The following CNR1 variants were observed in gnomAD, a reference collection of about 807,000 sequenced individuals.
CNR1 encodes cannabinoid receptor 1, also known as cannabinoid receptor 1 (brain).
Under a neutral mutation model 23.0 loss-of-function variants are expected in CNR1, and 10 were observed. The observed-to-expected ratio is 0.43, with a 90% CI of 0.27 to 0.74. CNR1 has a LOEUF of 0.74. Ranked by LOEUF, CNR1 falls within the 30% of genes least tolerant of loss-of-function variation. The probability of loss-of-function intolerance (pLI) is 0.19; values close to 1 mark genes in which losing one functional copy is unlikely to be tolerated. For missense variants in CNR1, 422 were observed against 618.8 expected, an observed-to-expected ratio of 0.68 and a Z score of 3.37; for synonymous variants, 271 against 255.2, an observed-to-expected ratio of 1.06 and a Z score of -0.59.
chr6:88,163,097 C>T (rs1778189706), intron 1 of CNR1: 1 of 152,130 alleles, frequency 6.6e-6, no homozygotes, highest in South Asian at 2.1e-4. Flanking sequence ...GCTTTAATTG[C>T]TTTAATTAGC....
At chr6:88,149,029 C>A (rs1371072675) in intron 1 of CNR1, among the ~76,000 whole-genome samples, 1 of 152,128 alleles carries the variant, frequency 6.6e-6, no homozygotes, top group African/African-American at 2.4e-5. Context: ...TAGAATAAAG[C>A]AGATGGGAGC....
upstream of CNR1, among the ~76,000 whole-genome samples, chr6:88,166,925 G>GCCTC (rs2127776485): frequency 6.6e-6 from 1 of 152,042 alleles, no homozygotes; most frequent in Non-Finnish European, 1.5e-5. Flanking sequence ...GCCGGGCTGA[G>GCCTC]CTTTGGGACC....
upstream of CNR1, among the ~76,000 whole-genome samples, chr6:88,167,068 A>C (rs1020208711): frequency 6.6e-6 from 1 of 151,156 alleles, no homozygotes; most frequent in Middle Eastern, 3.4e-3. Context: ...CGGCGAGACC[A>C]CTCGGGCGCG....
rs890316076 is a variant in CNR1 at position 88,142,231 on chromosome 6, G to C, written c.*1625C>G. 6.6e-6 allele frequency: 1 copy of C among 152,380 alleles called. No individual in the cohort carries two copies. The highest frequency in any genetic ancestry group is 2.4e-5 in the African/African-American group (1 of 41,454). 9.4% of individuals were successfully genotyped at this position (152,380 alleles called of 1,614,324 possible). ...CAGCATAGCTAGACGTCAATGCCAA[G>C]TGTATCGGTTCTTCACTGCCGTTGT... On this transcript the variant is annotated 3_prime_UTR_variant, in exon 2 of 2. Transcript: ENST00000369501.
intron 1 of CNR1, among the ~76,000 whole-genome samples, chr6:88,161,115 A>G (rs1405031380): frequency 6.6e-6 from 1 of 152,264 alleles, no homozygotes; most frequent in Non-Finnish European, 1.5e-5. Context: ...ATATTATGCA[A>G]TAGCACAATG....
intron 1 of CNR1, among the ~76,000 whole-genome samples, chr6:88,148,564 AT>A (rs1167583629): frequency 1.3e-5 from 2 of 152,182 alleles, no homozygotes; most frequent in Non-Finnish European, 2.9e-5. Flanking sequence ...AAAAAAAAAA[AT>A]GATCATGTAA....
Position 88,144,404 on chromosome 6 carries a change from C to T in CNR1, c.871G>A (p.Val291Met), listed in dbSNP as rs779516787. 32 of 1,613,986 alleles carry T rather than the reference C, an allele frequency of 2.0e-5. No homozygotes were observed. Among genetic ancestry groups the T allele is most frequent in the African/African-American group, 2.7e-5 (2 of 74,918 alleles). Residue 291 changes from valine (V) to methionine (M), a missense_variant, in exon 2 of 2, where the codon GTG (valine) becomes ATG (methionine). Physicochemically the swap from Val to Met is conservative, Grantham distance 21. This residue lies in a region of CNR1 where 211 missense variants were observed against 357.3 expected (regional missense o/e 0.59). Transcript: ENST00000369501. This position sits in a 1 kb window ranked among gnomAD's most constrained non-coding sequence, Gnocchi z 7.8. ...GVTSVLLLFI[V>M]YAYMYILWKA... ...CAGAGAATATACATGTACGCATACA[C>T]GATGAACAGAAGCAGTACGCTGGTG...
In CNR1 at chr6:88,143,875, G is replaced by GT; in HGVS notation, c.1399dup (p.Thr467AsnfsTer27). Reference sequence around the variant, plus strand: ...TCAGGCTCACAGAGCCTCGGCAGACGTGTCTGTGGACACAGACATGGTTAC... The same window carrying GT: ...TCAGGCTCACAGAGCCTCGGCAGACGTTGTCTGTGGACACAGACATGGTTAC... On this transcript the variant is annotated frameshift_variant, in exon 2 of 2. Coordinates refer to ENST00000369501, the MANE Select transcript of CNR1 (RefSeq NM_016083.6). LOFTEE classifies it high-confidence loss of function. 1 of 1,613,126 alleles carries GT rather than the reference G, an allele frequency of 6.2e-7. No individual in the cohort carries two copies. Among genetic ancestry groups the GT allele is most frequent in the South Asian group, 1.1e-5 (1 of 91,058 alleles).
At chr6:88,151,570 G>C (rs6928499) in intron 1 of CNR1, among the ~76,000 whole-genome samples, 30,886 of 151,932 alleles carry the variant, frequency 0.2, 3,693 homozygotes, top group African/African-American at 0.33. Context: ...GTAAAACATA[G>C]TGCCTGACAC....
chr6:88,166,389 A>T (rs974251361), upstream of CNR1: 1 of 152,278 alleles, frequency 6.6e-6, no homozygotes, highest in Non-Finnish European at 1.5e-5. Flanking sequence ...GCGCGGTCCC[A>T]TCACGTGTTA....
At chr6:88,147,162 A>G (rs1208702208) in intron 1 of CNR1, among the ~76,000 whole-genome samples, 1 of 152,198 alleles carries the variant, frequency 6.6e-6, no homozygotes, top group East Asian at 1.9e-4. Context: ...AATTTTAAAA[A>G]AATTAGCTGG....
At position 88,143,574 on chromosome 6, in the gene CNR1, C is replaced by T. The variant is rs1305738324; in HGVS notation, c.*282G>A. 3.1e-6 allele frequency: 1 copy of T among 321,356 alleles called. No individual in the cohort carries two copies. The highest frequency in any genetic ancestry group is 5.7e-6 in the Non-Finnish European group (1 of 175,438). The allele number at this position is 321,356 out of a possible 1,614,324, so 19.9% of individuals were successfully genotyped here. A position where few individuals can be genotyped will look rare whatever the true frequency, so the allele number is the denominator to read the frequency against. Reference sequence around the variant, plus strand: ...ATTTTTCCATGGGTTCTTAGACTTCCAATTGTGTAGCCAAAGGTTTCCCTC... The same window carrying T: ...ATTTTTCCATGGGTTCTTAGACTTCTAATTGTGTAGCCAAAGGTTTCCCTC... On this transcript the variant is annotated 3_prime_UTR_variant, in exon 2 of 2. Transcript: ENST00000369501.
chr6:88,159,426 C>T (rs1777969106), intron 1 of CNR1, among the ~76,000 whole-genome samples: 2 of 152,078 alleles, frequency 1.3e-5, no homozygotes, highest in Non-Finnish European at 2.9e-5. Flanking sequence ...TCAAAAATAC[C>T]TAAAAGTTAC....
Position 88,144,523 on chromosome 6 carries a change from G to GAACT in CNR1, c.751_752insAGTT (p.Pro251GlnfsTer23). 1.2e-6 allele frequency: 2 copies of GAACT among 1,614,238 alleles called. No individual in the cohort carries two copies. The highest frequency in any genetic ancestry group is 1.7e-6 in the Non-Finnish European group (2 of 1,180,052). On this transcript the variant is annotated frameshift_variant, in exon 2 of 2. Coordinates refer to ENST00000369501, the MANE Select transcript of CNR1 (RefSeq NM_016083.6). LOFTEE classifies it high-confidence loss of function. This position sits in a 1 kb window ranked among gnomAD's most constrained non-coding sequence, Gnocchi z 7.8. ...TTTCTCGCAGTTCCAGCCCAGGAGAGGCAGCACGGCGATCACAATGGCTAT... is the reference window on the plus strand; with the variant it reads ...TTTCTCGCAGTTCCAGCCCAGGAGAGAACTGCAGCACGGCGATCACAATGGCTAT...
intron 1 of CNR1, among the ~76,000 whole-genome samples, chr6:88,154,793 G>A (rs1041498359): frequency 1.3e-5 from 2 of 152,014 alleles, no homozygotes; most frequent in Non-Finnish European, 2.9e-5. Flanking sequence ...TTGCTGGGCC[G>A]GCCTTGAACA....
intron 1 of CNR1, among the ~76,000 whole-genome samples, chr6:88,149,623 G>A (rs1399669935): frequency 6.6e-6 from 1 of 152,158 alleles, no homozygotes; most frequent in Non-Finnish European, 1.5e-5. Context: ...TGAGTGACTT[G>A]CTGCTCTTTG....
intron 1 of CNR1, among the ~76,000 whole-genome samples, chr6:88,152,560 G>A (rs1777586186): frequency 6.6e-6 from 1 of 152,180 alleles, no homozygotes; most frequent in African/African-American, 2.4e-5. Flanking sequence ...TAGGGCATGG[G>A]TGTGGTTATA....
rs1776802141 is a variant in CNR1, at chr6:88,141,316, G to A, written c.*2540C>T. The stretch of plus-strand genomic sequence containing the variant: ...ATAACATACGTGATGATATTTCACA[G>A]ATATTTCTTAGAATATCAATAAGCA... On this transcript the variant is annotated 3_prime_UTR_variant, in exon 2 of 2. Coordinates refer to ENST00000369501, the MANE Select transcript of CNR1 (RefSeq NM_016083.6). 1 of 152,742 alleles carries A rather than the reference G, an allele frequency of 6.5e-6. No homozygotes were observed. The allele number at this position is 152,742 out of a possible 1,614,324, so 9.5% of individuals were successfully genotyped here. A position where few individuals can be genotyped will look rare whatever the true frequency, so the allele number is the denominator to read the frequency against.
chr6:88,151,357 C>T (rs976474145), intron 1 of CNR1, among the ~76,000 whole-genome samples: 2 of 152,098 alleles, frequency 1.3e-5, no homozygotes, highest in African/African-American at 4.8e-5. Flanking sequence ...TTACCATCTT[C>T]CTTGTTTTCT....
Sources: allele counts gnomAD v4.1 joint callset (sites outside exome capture counted in the v4.1 genomes callset), GRCh38; gene constraint gnomAD v4.1.1; regional missense constraint gnomAD v4.1.1; non-coding constraint Gnocchi (gnomAD v3.1); transcripts MANE v1.5; gene names NCBI Gene and HGNC (gene_info 2026-07-23, HGNC 2026-07-21).